The following ITIH5 variants were observed in gnomAD, a reference collection of about 807,000 sequenced individuals.
ITIH5 encodes the protein inter-alpha-trypsin inhibitor heavy chain 5, also known as inter-alpha-trypsin inhibitor heavy chain H5.
A neutral mutation model predicts 77.5 loss-of-function variants in ITIH5; 65 were observed. That is an observed-to-expected ratio of 0.84 (90% CI 0.69 to 1.03). The LOEUF (loss-of-function observed/expected upper bound fraction) is 1.03, where lower values mean the gene tolerates loss of function less well. Ranked by LOEUF, ITIH5 falls within the 50% of genes least tolerant of loss-of-function variation. The pLI, the probability that ITIH5 is intolerant of heterozygous loss-of-function variation, is 0.00. For missense variants in ITIH5, 1,208 were observed against 1,213.1 expected (o/e 1.00, Z 0.06); for synonymous variants, 525 against 494.3 (o/e 1.06, Z -0.82).
Position 7,635,354 on chromosome 10 carries a change from T to C in ITIH5, c.652+1874A>G, listed in dbSNP as rs114907357. Among the ~76,000 whole-genome samples the C allele has an allele frequency of 9.4e-3, 1,429 of 152,322 alleles. 23 individuals carry two copies. Among genetic ancestry groups the C allele is most frequent in the African/African-American group, 0.033 (1,368 of 41,556 alleles). ...CCCATGAGCTAGTTATTACCCCTGT[T>C]TCCCAGATGTGCAAGCCAAGTCTTA... On this transcript the variant is annotated intron_variant, in intron 5 of 13. Coordinates refer to ENST00000397146, the MANE Select transcript of ITIH5 (RefSeq NM_030569.7).
At chr10:7,652,387 C>T (rs1012032058) in intron 2 of ITIH5, among the ~76,000 whole-genome samples, 5 of 152,048 alleles carry the variant, frequency 3.3e-5, no homozygotes, top group East Asian at 1.9e-4. Flanking sequence ...AAGCAGGAGG[C>T]GCATCACGCA....
chr10:7,661,938 G>C (rs1834283111), intron 1 of ITIH5, among the ~76,000 whole-genome samples: 1 of 152,152 alleles, frequency 6.6e-6, no homozygotes, highest in Non-Finnish European at 1.5e-5. Context: ...CTGGGCTCAA[G>C]CTATCTGCCC....
intron 2 of ITIH5, among the ~76,000 whole-genome samples, chr10:7,649,637 A>T (rs1834065255): frequency 6.6e-6 from 1 of 152,220 alleles, no homozygotes; most frequent in South Asian, 2.1e-4. Context: ...AATGTTTTAA[A>T]ACAGATGTAG....
Position 7,637,265 on chromosome 10 carries a change from A to G in ITIH5, c.615T>C (p.Leu205=), listed in dbSNP as rs754340525. 15 of 1,610,894 alleles carry G rather than the reference A, an allele frequency of 9.3e-6. No homozygotes were observed. In the Admixed American group the frequency reaches 2.5e-4, roughly 27 times the overall value. ...AGIASLEVLP[L]HNSRQRGSGR... ...CACTGCCCCTCTGCCTGCTGTTGTG[A>G]AGCGGCAGCACCTCCAGGGATGCGA... Residue 205 remains leucine (L), a synonymous_variant, in exon 5 of 14, where the codon CTT becomes CTC. Transcript: ENST00000397146.
chr10:7,599,984 T>C (rs1389850108), intron 7 of ITIH5, among the ~76,000 whole-genome samples: 1 of 152,162 alleles, frequency 6.6e-6, no homozygotes, highest in Non-Finnish European at 1.5e-5. Flanking sequence ...CTGTTGGGGA[T>C]TGAGAGGTGC....
chr10:7,571,841 T>C, intron 11 of ITIH5: 1 of 392,550 alleles, frequency 2.5e-6, no homozygotes, highest in Non-Finnish European at 3.5e-6. Context: ...CCGTACACAT[T>C]CAATACAGAT....
At chr10:7,633,194 G>A (rs1833740109) in intron 5 of ITIH5, among the ~76,000 whole-genome samples, 1 of 152,206 alleles carries the variant, frequency 6.6e-6, no homozygotes. Context: ...AGTAGAGACA[G>A]GGAGTCTTGT....
intron 11 of ITIH5, chr10:7,570,318 C>G (rs540289746): frequency 5.9e-5 from 9 of 152,390 alleles, no homozygotes; most frequent in Non-Finnish European, 8.8e-5. Context: ...GAGAGCCATG[C>G]CCAGCTTAGA....
chr10:7,619,101 C>A (rs1293500076), intron 5 of ITIH5: 2 of 152,164 alleles, frequency 1.3e-5, no homozygotes, highest in Non-Finnish European at 2.9e-5. Flanking sequence ...GTGGCACAGC[C>A]CAGGTCACTA....
chr10:7,664,480 T>C (rs1175062291), intron 1 of ITIH5, among the ~76,000 whole-genome samples: 1 of 151,216 alleles, frequency 6.6e-6, no homozygotes, highest in African/African-American at 2.4e-5. Context: ...ACCCAATGGA[T>C]CTAAACCAAT....
intron 7 of ITIH5, among the ~76,000 whole-genome samples, chr10:7,593,928 C>A (rs1165752892): frequency 6.6e-6 from 1 of 152,256 alleles, no homozygotes; most frequent in African/African-American, 2.4e-5. Flanking sequence ...ATGGGCTGAG[C>A]AGCCAAGAGC....
intron 7 of ITIH5, among the ~76,000 whole-genome samples, chr10:7,601,860 GT>G (rs1433918693): frequency 1.3e-5 from 2 of 152,012 alleles, no homozygotes; most frequent in Non-Finnish European, 2.9e-5. Flanking sequence ...CTCAGTTTTT[GT>G]TTTGTTTTTG....
intron 9 of ITIH5, 39 bp from the exon 10 acceptor site, chr10:7,577,051 C>T: frequency 6.5e-7 from 1 of 1,541,532 alleles, no homozygotes. Flanking sequence ...GATCAGGGCC[C>T]TGCTCTGACA....
intron 8 of ITIH5, among the ~76,000 whole-genome samples, chr10:7,584,299 CTTTTTTTTTTCT>C (rs1223543720): frequency 7.8e-5 from 11 of 141,248 alleles, no homozygotes; most frequent in Admixed American, 7.4e-4. Context: ...TTCTTTCTTT[CTTTTTTTTTTCT>C]TTTTTTTTTT....
intron 12 of ITIH5, 88 bp downstream of exon 12, chr10:7,569,580 G>T: frequency 1.2e-6 from 1 of 808,490 alleles, no homozygotes; most frequent in Non-Finnish European, 2.0e-6. Context: ...GTGGCCCTTG[G>T]ATCACTGGAC....
chr10:7,636,794 C>T (rs749879421), intron 5 of ITIH5, among the ~76,000 whole-genome samples: 3 of 152,082 alleles, frequency 2.0e-5, no homozygotes, highest in Non-Finnish European at 4.4e-5. Context: ...TGGCTCACAC[C>T]TGTAATCCCA....
intron 4 of ITIH5, 71 bp downstream of exon 4, chr10:7,640,683 T>A: frequency 1.1e-6 from 1 of 886,622 alleles, no homozygotes. Flanking sequence ...ACAAGAGGAG[T>A]AGGCAAAGGC....
chr10:7,655,051 A>T (rs1384459669), intron 2 of ITIH5, among the ~76,000 whole-genome samples: 1 of 152,204 alleles, frequency 6.6e-6, no homozygotes, highest in Non-Finnish European at 1.5e-5. Flanking sequence ...ATCCACTCAA[A>T]CACCAGCCAG....
intron 7 of ITIH5, among the ~76,000 whole-genome samples, chr10:7,610,045 C>T (rs372899554): frequency 0.01 from 1,526 of 150,668 alleles, 11 homozygotes; most frequent in Middle Eastern, 0.024. Flanking sequence ...TTTCTCCCCC[C>T]TCCCTTTCTT....
Sources: gnomAD v4.1 joint callset for allele counts (sites outside exome capture counted in the v4.1 genomes callset) on GRCh38, gnomAD v4.1.1 for gene constraint, MANE v1.5 for transcripts, NCBI Gene and HGNC (gene_info 2026-07-23, HGNC 2026-07-21) for gene names.